TUBA8: variants seen among roughly 807,000 people sequenced by gnomAD.
The protein encoded by TUBA8 is tubulin alpha-8 chain.
Under a neutral mutation model 34.7 loss-of-function variants are expected in TUBA8, and 29 were observed. The ratio of observed to expected loss-of-function variants is 0.84; its 90% CI spans 0.62 to 1.14. TUBA8 has a LOEUF of 1.14. Ranked by LOEUF, TUBA8 falls within the 50% of genes most tolerant of loss-of-function variation. The probability of loss-of-function intolerance (pLI) is 0.00; values close to 1 mark genes in which losing one functional copy is unlikely to be tolerated. For synonymous variants in TUBA8, 226 were observed against 231.2 expected (o/e 0.98, Z 0.21); for missense variants, 541 against 599.2 (o/e 0.90, Z 1.01).
chr22:18,113,450 A>C (rs1406982596), intron 1 of TUBA8: 2 of 152,258 alleles, frequency 1.3e-5, no homozygotes, highest in East Asian at 3.9e-4. Context: ...CCCTAAGCCA[A>C]GCCCATGCCA....
At chr22:18,116,471 CCT>C (rs1458424381) in intron 1 of TUBA8, 1 of 152,198 alleles carries the variant, frequency 6.6e-6, no homozygotes, top group Non-Finnish European at 1.5e-5. Flanking sequence ...TGTCCCTTTT[CCT>C]CTCTGAGCTC....
At chr22:18,115,222 C>T (rs1927931704) in intron 1 of TUBA8, 1 of 152,318 alleles carries the variant, frequency 6.6e-6, no homozygotes, top group South Asian at 2.1e-4. Flanking sequence ...CGTTTTACTG[C>T]CTCTTGTTCA....
chr22:18,123,248 T>A (rs1313601602), intron 2 of TUBA8: 1 of 151,330 alleles, frequency 6.6e-6, no homozygotes, highest in Non-Finnish European at 1.5e-5. Flanking sequence ...GCTTTTTTTT[T>A]GTTTTTTTGT....
chr22:18,131,260 C>T lies in TUBA8; in HGVS notation c.*124C>T. 9.1e-7 allele frequency: 1 copy of T among 1,104,820 alleles called. No homozygotes were observed. The highest frequency in any genetic ancestry group is 2.0e-5 in the Admixed American group (1 of 50,966). 68.4% of individuals were successfully genotyped at this position (1,104,820 alleles called of 1,614,324 possible). A position where few individuals can be genotyped will look rare whatever the true frequency, so the allele number is the denominator to read the frequency against. On this transcript the variant is annotated 3_prime_UTR_variant, in exon 5 of 5. Coordinates refer to ENST00000330423, the MANE Select transcript of TUBA8 (RefSeq NM_018943.3). This position sits in a 1 kb window ranked among gnomAD's most constrained non-coding sequence, Gnocchi z 5.3. ...CCTGCCTTACCCAGGAGGAGGGTGC[C>T]TGGCCCCAGTACCCAGGGTGGCACG...
Position 18,126,828 on chromosome 22 carries a change from GA to G in TUBA8, c.852del (p.Glu284AspfsTer8). The G allele has an allele frequency of 6.2e-7, 1 of 1,613,382 alleles. No homozygotes were observed. The highest frequency in any genetic ancestry group is 8.5e-7 in the Non-Finnish European group (1 of 1,179,522). Reference protein sequence around the residue: ...PIISAEKAYHEQLSVAEITSS... With the variant: ...PIISAEKAYHXQLSVAEITSS... ...CATCTCTGCCGAGAAAGCCTATCAC[GA>G]ACAGCTCTCTGTGGCCGAGATAACC... On this transcript the variant is annotated frameshift_variant, in exon 4 of 5. Coordinates refer to ENST00000330423, the MANE Select transcript of TUBA8 (RefSeq NM_018943.3). LOFTEE classifies it high-confidence loss of function. This position sits in a 1 kb window ranked among gnomAD's most constrained non-coding sequence, Gnocchi z 4.0.
In TUBA8 at chr22:18,124,083, C is replaced by A; in HGVS notation, c.227-73C>A. The A allele has an allele frequency of 6.3e-7, 1 of 1,590,038 alleles. No individual in the cohort carries two copies. Among genetic ancestry groups the A allele is most frequent in the African/African-American group, 1.3e-5 (1 of 74,564 alleles). ...ATAGGTAGGGGAGAACGGAAGGGGT[C>A]CTGCGGTAGTGTGGTAGGGAGGGAG... On this transcript the variant is annotated intron_variant, in intron 2 of 4. Coordinates refer to ENST00000330423, the MANE Select transcript of TUBA8 (RefSeq NM_018943.3). This position sits in a 1 kb window ranked among gnomAD's most constrained non-coding sequence, Gnocchi z 4.3.
At position 18,129,161 on chromosome 22, in the gene TUBA8, G is replaced by A. The variant is rs188085020; in HGVS notation, c.1057-1682G>A. On this transcript the variant is annotated intron_variant, in intron 4 of 4. Transcript: ENST00000330423. ...AATCATCCTGGCAAAACCAGTCAAG[G>A]TCTTCCAAAAAATGAAATTCTTTTT... 8.5e-5 allele frequency: 13 copies of A among 152,152 alleles called. No homozygotes were observed. The East Asian group carries it at 2.5e-3, about 29-fold the overall frequency. 9.4% of individuals were successfully genotyped at this position (152,152 alleles called of 1,614,324 possible).
intron 4 of TUBA8, chr22:18,130,550 A>G (rs1928463447): frequency 2.1e-6 from 1 of 472,322 alleles, no homozygotes; most frequent in Non-Finnish European, 3.9e-6. Flanking sequence ...AGCCTCCCTG[A>G]GTAGCTGGGA....
chr22:18,127,198 A>G, intron 4 of TUBA8, 164 bp downstream of exon 4: 1 of 713,500 alleles, frequency 1.4e-6, no homozygotes, highest in Non-Finnish European at 2.3e-6. Context: ...TTGAGACACA[A>G]GTGCTGTCAA....
In TUBA8 at chr22:18,127,033, A is replaced by G. The variant is rs1247213825; in HGVS notation, c.1055A>G (p.Lys352Arg). ...QFVDWCPTGF[K>R]VGINYQPPTV... ...GTAGACTGGTGTCCCACAGGCTTCAAGGTGAGAGCTGATGACTTAGGAAGG... is the reference window on the plus strand; with the variant it reads ...GTAGACTGGTGTCCCACAGGCTTCAGGGTGAGAGCTGATGACTTAGGAAGG... The change falls in exon 4 of 5, where the codon AAG (lysine) becomes AGG (arginine). Residue 352 changes from lysine (K) to arginine (R), a missense_variant and splice_region_variant. Lys to Arg is a conservative substitution (Grantham distance 26). Coordinates refer to ENST00000330423, the MANE Select transcript of TUBA8 (RefSeq NM_018943.3). The G allele has an allele frequency of 6.2e-7, 1 of 1,614,058 alleles. No individual in the cohort carries two copies. The highest frequency in any genetic ancestry group is 8.5e-7 in the Non-Finnish European group (1 of 1,180,056).
rs934493242 is a variant in TUBA8 at position 18,121,962 on chromosome 22, A to G, written c.226+261A>G. 1.9e-6 allele frequency: 1 copy of G among 515,472 alleles called. No homozygotes were observed. The highest frequency in any genetic ancestry group is 2.3e-5 in the South Asian group (1 of 42,730). The allele number at this position is 515,472 out of a possible 1,614,324, so 31.9% of individuals were successfully genotyped here. ...TGCGGCACCAGGTCAAAATGGTCAC[A>G]TCGCTACTAAATACTAAGGATAAGA... On this transcript the variant is annotated intron_variant, in intron 2 of 4. Coordinates refer to ENST00000330423, the MANE Select transcript of TUBA8 (RefSeq NM_018943.3). This position sits in a 1 kb window ranked among gnomAD's most constrained non-coding sequence, Gnocchi z 4.8.
rs532309922 is a variant in TUBA8, at chr22:18,121,371, G to T, written c.4-108G>T. ...TGCAGCCTCAACGCCAACTGGCAAT[G>T]GGGGGCTGGGGCCTGGCTGGCCTGC... On this transcript the variant is annotated intron_variant, in intron 1 of 4. Transcript: ENST00000330423. This position sits in a 1 kb window ranked among gnomAD's most constrained non-coding sequence, Gnocchi z 4.8. 6.1e-6 allele frequency: 6 copies of T among 976,374 alleles called. No homozygotes were observed. Among genetic ancestry groups the T allele is most frequent in the Admixed American group, 1.8e-5 (1 of 55,768 alleles). The allele number at this position is 976,374 out of a possible 1,614,324, so 60.5% of individuals were successfully genotyped here.
At position 18,124,296 on chromosome 22, in the gene TUBA8, C is replaced by T. The variant is rs1351217486; in HGVS notation, c.367C>T (p.Arg123Trp). Residue 123 changes from arginine (R) to tryptophan (W), a missense_variant, in exon 3 of 5, where the codon CGG (arginine) becomes TGG (tryptophan). By Grantham distance (101) the Arg-to-Trp change is moderately radical. Coordinates refer to ENST00000330423, the MANE Select transcript of TUBA8 (RefSeq NM_018943.3). This position sits in a 1 kb window ranked among gnomAD's most constrained non-coding sequence, Gnocchi z 4.3. ...ESIDLVLDRI[R>W]KLTDACSGLQ... ...CATTGACCTGGTGCTGGACCGCATACGGAAGCTGGTAAGATCAGGAGGGCA... is the reference window on the plus strand; with the variant it reads ...CATTGACCTGGTGCTGGACCGCATATGGAAGCTGGTAAGATCAGGAGGGCA... 8.1e-6 allele frequency: 13 copies of T among 1,613,480 alleles called. No homozygotes were observed. The highest frequency in any genetic ancestry group is 5.0e-5 in the Admixed American group (3 of 59,934).
At chr22:18,130,477 C>T in intron 4 of TUBA8, 2 of 296,584 alleles carry the variant, frequency 6.7e-6, no homozygotes, top group Non-Finnish European at 1.3e-5. Flanking sequence ...CACTGGAGTG[C>T]AGTGGAACCA....
In TUBA8 at chr22:18,119,321, G is replaced by A. The variant is rs541009158; in HGVS notation, c.4-2158G>A. ...GCAGAGAATAGACCCCACAATAAAGGAGAGAGGAGCAGGGACCTGAGAGCT... is the reference window on the plus strand; with the variant it reads ...GCAGAGAATAGACCCCACAATAAAGAAGAGAGGAGCAGGGACCTGAGAGCT... On this transcript the variant is annotated intron_variant, in intron 1 of 4. Transcript: ENST00000330423. The surrounding 1 kb of genome is among the most constrained non-coding windows in gnomAD (Gnocchi z 5.9). 2 of 152,310 alleles carry A rather than the reference G, an allele frequency of 1.3e-5. No individual in the cohort carries two copies. Among genetic ancestry groups the A allele is most frequent in the African/African-American group, 4.8e-5 (2 of 41,542 alleles). 9.4% of individuals were successfully genotyped at this position (152,310 alleles called of 1,614,324 possible). A position where few individuals can be genotyped will look rare whatever the true frequency, so the allele number is the denominator to read the frequency against.
At position 18,126,279 on chromosome 22, in the gene TUBA8, G is replaced by C; in HGVS notation, c.376-75G>C. 1 of 1,388,514 alleles carries C rather than the reference G, an allele frequency of 7.2e-7. No individual in the cohort carries two copies. The highest frequency in any genetic ancestry group is 1.0e-6 in the Non-Finnish European group (1 of 977,884). The allele number at this position is 1,388,514 out of a possible 1,614,324, so 86.0% of individuals were successfully genotyped here. Reference sequence around the variant, plus strand: ...AAAATATGAGGCAGACAGAGTGGGCGGTCTGGCTTTTTTACTGTGGGGTGT... The same window carrying C: ...AAAATATGAGGCAGACAGAGTGGGCCGTCTGGCTTTTTTACTGTGGGGTGT... On this transcript the variant is annotated intron_variant, in intron 3 of 4. Transcript: ENST00000330423. This position sits in a 1 kb window ranked among gnomAD's most constrained non-coding sequence, Gnocchi z 4.0.
chr22:18,127,875 T>A (rs972847489), intron 4 of TUBA8: 2 of 142,842 alleles, frequency 1.4e-5, no homozygotes, highest in African/African-American at 5.2e-5. Flanking sequence ...TTTTTTGTAT[T>A]TTTAGTAGAG....
intron 1 of TUBA8, chr22:18,114,207 G>A (rs1441178021): frequency 6.6e-6 from 1 of 152,290 alleles, no homozygotes; most frequent in Non-Finnish European, 1.5e-5. Context: ...GCAGGAGATG[G>A]AGCAGGCACT....
rs1928481961 is a variant in TUBA8 at position 18,130,889 on chromosome 22, T to C, written c.1103T>C (p.Leu368Pro). Reference sequence around the variant, plus strand: ...CCGACCGTGGTCCCCGGGGGAGACCTGGCCAAGGTGCAGCGGGCCGTCTGC... The same window carrying C: ...CCGACCGTGGTCCCCGGGGGAGACCCGGCCAAGGTGCAGCGGGCCGTCTGC... ...QPPTVVPGGD[L>P]AKVQRAVCML... The change falls in exon 5 of 5, where the codon CTG becomes CCG. Residue 368 changes from leucine (L) to proline (P), a missense_variant. Leu to Pro is a moderately conservative substitution (Grantham distance 98). Transcript: ENST00000330423. The C allele has an allele frequency of 1.2e-6, 2 of 1,614,014 alleles. No homozygotes were observed. Among genetic ancestry groups the C allele is most frequent in the Admixed American group, 3.3e-5 (2 of 60,010 alleles).
Sources: allele counts gnomAD v4.1 joint callset, GRCh38; gene constraint gnomAD v4.1.1; non-coding constraint Gnocchi (gnomAD v3.1); transcripts MANE v1.5; gene names NCBI Gene and HGNC (gene_info 2026-07-23, HGNC 2026-07-21).